The following AMPH variants were observed in gnomAD, a reference collection of about 807,000 sequenced individuals.
The protein encoded by AMPH is amphiphysin (Stiff-Mann syndrome with breast cancer 128kD autoantigen).
In AMPH, 49 loss-of-function variants were observed where a neutral mutation model predicts 99.1. The ratio of observed to expected loss-of-function variants is 0.49; its 90% CI spans 0.39 to 0.63. The LOEUF is 0.63. Ranked by LOEUF, AMPH falls within the 20% of genes least tolerant of loss-of-function variation. The probability of loss-of-function intolerance (pLI) is 0.00; values close to 1 mark genes in which losing one functional copy is unlikely to be tolerated. For missense variants in AMPH, 759 were observed against 863.4 expected, an observed-to-expected ratio of 0.88 and a Z score of 1.52; for synonymous variants, 314 against 317.3, an observed-to-expected ratio of 0.99 and a Z score of 0.11.
chr7:38,461,696 C>T (rs1787453222), intron 10 of AMPH, among the ~76,000 whole-genome samples: 1 of 152,136 alleles, frequency 6.6e-6, no homozygotes, highest in Non-Finnish European at 1.5e-5. Flanking sequence ...GGCACATATA[C>T]TTTAAAGGTT....
chr7:38,391,595 C>G (rs1404370645), intron 19 of AMPH, among the ~76,000 whole-genome samples, 153 bp downstream of exon 19: 1 of 152,224 alleles, frequency 6.6e-6, no homozygotes, highest in Non-Finnish European at 1.5e-5. Flanking sequence ...TTACTGTAGT[C>G]CTGGCTTGTC....
intron 5 of AMPH, among the ~76,000 whole-genome samples, chr7:38,478,388 G>A (rs1367056975): frequency 3.3e-5 from 5 of 152,074 alleles, no homozygotes; most frequent in Admixed American, 6.6e-5. Flanking sequence ...TGAAAGCTGC[G>A]GTGCACTGAA....
At chr7:38,458,749 G>A (rs1787328792) in intron 11 of AMPH, among the ~76,000 whole-genome samples, 1 of 152,118 alleles carries the variant, frequency 6.6e-6, no homozygotes, top group South Asian at 2.1e-4. Context: ...AGCACAGGTA[G>A]CATCATAGTG....
At chr7:38,539,203 C>T (rs1396325966) in intron 1 of AMPH, among the ~76,000 whole-genome samples, 1 of 152,102 alleles carries the variant, frequency 6.6e-6, no homozygotes, top group Non-Finnish European at 1.5e-5. Context: ...AAGTTAAAAA[C>T]CAAAAGCCCT....
At chr7:38,482,481 T>A (rs1243258113) in intron 5 of AMPH, among the ~76,000 whole-genome samples, 1 of 152,168 alleles carries the variant, frequency 6.6e-6, no homozygotes, top group Non-Finnish European at 1.5e-5. Flanking sequence ...CCAGCCAATA[T>A]AATCTGTCAT....
chr7:38,534,963 C>T lies in AMPH; in HGVS notation c.118G>A (p.Glu40Lys), dbSNP rs781682680. The T allele has an allele frequency of 3.6e-5, 58 of 1,613,962 alleles. No individual in the cohort carries two copies. Among genetic ancestry groups the T allele is most frequent in the Admixed American group, 5.0e-5 (3 of 60,004 alleles). ...KADETKDEQF[E>K]EYVQNFKRQE... Reference sequence around the variant, plus strand: ...CGTTTGAAGTTCTGGACATATTCTTCGAACTGTTCGTCTTTTGTCTCATCA... The same window carrying T: ...CGTTTGAAGTTCTGGACATATTCTTTGAACTGTTCGTCTTTTGTCTCATCA... The change falls in exon 2 of 21, where the codon GAA becomes AAA. Residue 40 changes from glutamate (E) to lysine (K), a missense_variant. Glu to Lys is a moderately conservative substitution (Grantham distance 56, BLOSUM62 1). Coordinates refer to ENST00000356264, the MANE Select transcript of AMPH (RefSeq NM_001635.4).
At chr7:38,604,794 G>C (rs1339709558) in intron 1 of AMPH, among the ~76,000 whole-genome samples, 1 of 152,214 alleles carries the variant, frequency 6.6e-6, no homozygotes, top group Non-Finnish European at 1.5e-5. Flanking sequence ...TAAAGCAAAT[G>C]ATGGCCGATT....
chr7:38,626,865 T>C (rs184949845), intron 1 of AMPH, among the ~76,000 whole-genome samples: 1 of 150,552 alleles, frequency 6.6e-6, no homozygotes, highest in African/African-American at 2.5e-5. Context: ...AGGCGAAGGA[T>C]ATACAGTTTT....
In AMPH at chr7:38,445,450, C is replaced by T. The variant is rs181483977; in HGVS notation, c.1018-9062G>A. On this transcript the variant is annotated intron_variant, in intron 11 of 20. Transcript: ENST00000356264. ...CATCAAATAAAACATTTCTACTCTC[C>T]AAATTACACTGCCAAGAGAATGAAA... Among the ~76,000 whole-genome samples, 413 of 152,114 alleles carry T rather than the reference C, an allele frequency of 2.7e-3. 2 individuals carry two copies. The highest frequency in any genetic ancestry group is 5.0e-3 in the Non-Finnish European group (340 of 67,998).
intron 14 of AMPH, chr7:38,428,603 T>C (rs1292197716): frequency 2.2e-6 from 1 of 456,730 alleles, no homozygotes; most frequent in East Asian, 6.9e-5. Flanking sequence ...CATTTTTCTT[T>C]ATGTCTTTTC....
chr7:38,424,588 C>T (rs1221758139), intron 15 of AMPH, among the ~76,000 whole-genome samples: 1 of 151,358 alleles, frequency 6.6e-6, no homozygotes, highest in Non-Finnish European at 1.5e-5. Flanking sequence ...TAATAGAATA[C>T]TAGTCAGGAA....
intron 5 of AMPH, among the ~76,000 whole-genome samples, chr7:38,487,361 T>C (rs1788541126): frequency 6.6e-6 from 1 of 151,986 alleles, no homozygotes. Context: ...GCCTCAGAAA[T>C]AATGCCATAC....
chr7:38,508,732 T>G (rs11760251), intron 2 of AMPH, among the ~76,000 whole-genome samples: 3 of 152,170 alleles, frequency 2.0e-5, no homozygotes, highest in African/African-American at 7.2e-5. Flanking sequence ...CATTTTTCTC[T>G]TGAAAATGGC....
intron 12 of AMPH, among the ~76,000 whole-genome samples, chr7:38,434,645 A>T (rs2128995009): frequency 6.6e-6 from 1 of 152,176 alleles, no homozygotes; most frequent in South Asian, 2.1e-4. Flanking sequence ...AGGCTGAGGC[A>T]GGAGAATGGC....
intron 1 of AMPH, among the ~76,000 whole-genome samples, chr7:38,549,073 T>C (rs1210150947): frequency 1.3e-5 from 2 of 152,226 alleles, no homozygotes; most frequent in East Asian, 3.9e-4. Context: ...GCTGATTGTT[T>C]TTAGAAAAGC....
At chr7:38,587,035 AC>A (rs1792678894) in intron 1 of AMPH, among the ~76,000 whole-genome samples, 5 of 151,212 alleles carry the variant, frequency 3.3e-5, no homozygotes, top group Non-Finnish European at 5.9e-5. Context: ...ACACACACAC[AC>A]ACATAAAATC....
intron 11 of AMPH, among the ~76,000 whole-genome samples, chr7:38,455,690 T>C (rs574444584): frequency 6.6e-6 from 1 of 152,198 alleles, no homozygotes; most frequent in African/African-American, 2.4e-5. Flanking sequence ...TCAACTGATA[T>C]GGGCTTCAAG....
chr7:38,494,420 C>T lies in AMPH; in HGVS notation c.300+13G>A. 6.2e-7 allele frequency: 1 copy of T among 1,612,868 alleles called. No individual in the cohort carries two copies. The highest frequency in any genetic ancestry group is 2.2e-5 in the East Asian group (1 of 44,812). ...GGTCGTGGGAGCCTCATGGAAGCCACCCCAGCTCTTACCTCACCAACCATT... is the reference window on the plus strand; with the variant it reads ...GGTCGTGGGAGCCTCATGGAAGCCATCCCAGCTCTTACCTCACCAACCATT... On this transcript the variant is annotated intron_variant, in intron 4 of 20. Coordinates refer to ENST00000356264, the MANE Select transcript of AMPH (RefSeq NM_001635.4).
At chr7:38,409,063 G>A (rs1026575050) in intron 17 of AMPH, among the ~76,000 whole-genome samples, 1 of 152,202 alleles carries the variant, frequency 6.6e-6, no homozygotes, top group Non-Finnish European at 1.5e-5. Flanking sequence ...TAAAGTAGAA[G>A]CAGCACTAGA....
Sources: allele counts gnomAD v4.1 joint callset (sites outside exome capture counted in the v4.1 genomes callset), GRCh38; gene constraint gnomAD v4.1.1; transcripts MANE v1.5; gene names NCBI Gene and HGNC (gene_info 2026-07-23, HGNC 2026-07-21).